The following TAB2 variants were observed in gnomAD, a reference collection of about 807,000 sequenced individuals.
TAB2 encodes the protein TGF-beta-activated kinase 1 and MAP3K7-binding protein 2.
TAB2 carries 3 observed loss-of-function variants against 65.0 expected under a neutral mutation model. The observed-to-expected ratio is 0.05, with a 90% CI of 0.02 to 0.12. TAB2 has a LOEUF of 0.12. Among genes scored for constraint, TAB2 ranks in the 10% least tolerant of loss-of-function variants. The pLI is 1.00. For synonymous variants in TAB2, 298 were observed against 285.1 expected (o/e 1.05, Z -0.46); for missense variants, 623 against 840.3 (o/e 0.74, Z 3.20).
chr6:149,318,376 T>G (rs1423423246), intron 1 of TAB2, among the ~76,000 whole-genome samples: 1 of 151,644 alleles, frequency 6.6e-6, no homozygotes, highest in Non-Finnish European at 1.5e-5. Context: ...TCGGCGCCCC[T>G]GACCCGCCCC....
At chr6:149,248,480 GAA>G (rs143787774) in intron 1 of TAB2, among the ~76,000 whole-genome samples, 8,021 of 138,642 alleles carry the variant, frequency 0.058, 305 homozygotes, top group African/African-American at 0.11. Flanking sequence ...AAGAAAGAAA[GAA>G]AGAGAGAGAG....
intron 2 of TAB2, among the ~76,000 whole-genome samples, chr6:149,373,593 GGT>G (rs1451900454): frequency 1.3e-5 from 2 of 152,272 alleles, no homozygotes; most frequent in East Asian, 1.9e-4. Flanking sequence ...AATGCCATAG[GGT>G]ATATATGCTT....
At chr6:149,387,076 C>T (rs909836368) in intron 3 of TAB2, among the ~76,000 whole-genome samples, 2 of 152,050 alleles carry the variant, frequency 1.3e-5, no homozygotes, top group African/African-American at 2.4e-5. Flanking sequence ...TTGATGGTGT[C>T]CTTTAAGCAC....
In TAB2 at chr6:149,275,139, T is replaced by TTA. The variant is rs1554255794; in HGVS notation, c.-121+56364_-121+56365insAT. Among the ~76,000 whole-genome samples, 10 of 113,480 alleles carry TTA rather than the reference T, an allele frequency of 8.8e-5. 2 individuals are homozygous for TTA. Among genetic ancestry groups the TTA allele is most frequent in the African/African-American group, 3.6e-4 (10 of 27,664 alleles). 74.4% of individuals were successfully genotyped at this position (113,480 alleles called of 152,430 possible). On this transcript the variant is annotated intron_variant, in intron 1 of 1. Transcript: ENST00000606202. ...TCTCTTCTTCTGTTTTTTTTTTTTT[T>TTA]TTTTGAGTTGGAGTCTTGCTCTATT...
chr6:149,407,275 G>A (rs1346512919), intron 6 of TAB2, among the ~76,000 whole-genome samples: 1 of 152,132 alleles, frequency 6.6e-6, no homozygotes, highest in African/African-American at 2.4e-5. Flanking sequence ...ATTTTCCTTA[G>A]TATAATCTTC....
intron 3 of TAB2, among the ~76,000 whole-genome samples, chr6:149,388,890 G>C (rs1408494400): frequency 6.7e-6 from 1 of 150,056 alleles, no homozygotes; most frequent in Non-Finnish European, 1.5e-5. Context: ...TGGCTTCTGG[G>C]TTTTGTGTCT....
At chr6:149,308,837 T>C (rs1779116104) in intron 1 of TAB2, among the ~76,000 whole-genome samples, 1 of 152,174 alleles carries the variant, frequency 6.6e-6, no homozygotes, top group Non-Finnish European at 1.5e-5. Context: ...ATATTTTCTT[T>C]TTAAAAAATT....
At chr6:149,250,558 G>A (rs574432534) in intron 1 of TAB2, among the ~76,000 whole-genome samples, 47 of 152,180 alleles carry the variant, frequency 3.1e-4, no homozygotes, top group African/African-American at 9.6e-4. Context: ...TGCCCACCTC[G>A]GCCTCCCAAA....
chr6:149,351,646 A>G (rs1322359130), intron 1 of TAB2, among the ~76,000 whole-genome samples: 2 of 152,228 alleles, frequency 1.3e-5, no homozygotes, highest in Non-Finnish European at 2.9e-5. Flanking sequence ...ACCATTTTAT[A>G]GATGAGGAAA....
intron 1 of TAB2, among the ~76,000 whole-genome samples, chr6:149,254,006 G>GAAAGAAAGAAAGAAAGAAAGAAAGAA (rs1562389385): frequency 1.8e-4 from 25 of 139,004 alleles, no homozygotes; most frequent in African/African-American, 6.4e-4. Context: ...AAGAAAGAAA[G>GAAAGAAAGAAAGAAAGAAAGAAAGAA]AAAGAAAGAA....
chr6:149,372,979 G>A (rs991703760), intron 2 of TAB2, among the ~76,000 whole-genome samples: 12 of 152,126 alleles, frequency 7.9e-5, no homozygotes, highest in Admixed American at 4.6e-4. Context: ...ATCATGCCAT[G>A]CTACCAATTC....
intron 3 of TAB2, 37 bp downstream of exon 3, chr6:149,379,555 C>G (rs1245333316): frequency 8.7e-6 from 14 of 1,602,526 alleles, no homozygotes; most frequent in African/African-American, 1.3e-5. Flanking sequence ...GTTTTCCATG[C>G]TGGGCTTGTT....
chr6:149,297,008 A>T (rs1778888213), intron 1 of TAB2, among the ~76,000 whole-genome samples: 1 of 152,100 alleles, frequency 6.6e-6, no homozygotes, highest in Admixed American at 6.6e-5. Flanking sequence ...CTTTACTTAG[A>T]TTCACTAATT....
At chr6:149,321,632 GTTTCACTTGGAT>G (rs1229109353) in intron 1 of TAB2, among the ~76,000 whole-genome samples, 1 of 152,132 alleles carries the variant, frequency 6.6e-6, no homozygotes, top group Non-Finnish European at 1.5e-5. Context: ...GAGGTTATGC[GTTTCACTTGGAT>G]TTTCACTTGG....
chr6:149,273,972 G>A (rs138885222), intron 1 of TAB2, among the ~76,000 whole-genome samples: 34 of 152,328 alleles, frequency 2.2e-4, no homozygotes, highest in African/African-American at 7.9e-4. Context: ...AGTATAGCAA[G>A]AAGACTGGAC....
intron 1 of TAB2, among the ~76,000 whole-genome samples, chr6:149,238,596 C>A (rs1404075457): frequency 6.6e-6 from 1 of 152,188 alleles, no homozygotes; most frequent in Non-Finnish European, 1.5e-5. Flanking sequence ...AAGATCATGG[C>A]TCCCCGGCTC....
chr6:149,264,790 C>G (rs1035257277), intron 1 of TAB2, among the ~76,000 whole-genome samples: 3 of 152,188 alleles, frequency 2.0e-5, no homozygotes, highest in Admixed American at 6.5e-5. Context: ...CATTATGCAG[C>G]AAGGCAAGCC....
chr6:149,254,907 G>A (rs976677266), intron 1 of TAB2, among the ~76,000 whole-genome samples: 7 of 152,172 alleles, frequency 4.6e-5, no homozygotes, highest in East Asian at 3.8e-4. Flanking sequence ...TGTAACTACC[G>A]TATCTAATTT....
intron 1 of TAB2, among the ~76,000 whole-genome samples, chr6:149,238,794 T>C (rs564342332): frequency 1.8e-4 from 27 of 152,330 alleles, no homozygotes; most frequent in African/African-American, 6.0e-4. Flanking sequence ...CTTTGCTACC[T>C]TCTGTAGGCT....
Sources: gnomAD v4.1 joint callset for allele counts (sites outside exome capture counted in the v4.1 genomes callset) on GRCh38, gnomAD v4.1.1 for gene constraint, MANE v1.5 for transcripts, NCBI Gene and HGNC (gene_info 2026-07-23, HGNC 2026-07-21) for gene names.